Variants in LRRFIP2 observed in about 807,000 individuals in gnomAD.
LRRFIP2 encodes the protein leucine-rich repeat flightless-interacting protein 2.
A neutral mutation model predicts 125.9 loss-of-function variants in LRRFIP2; 109 were observed. The observed-to-expected ratio is 0.87, with a 90% CI of 0.74 to 1.01. LRRFIP2 has a LOEUF of 1.01. Ranked by LOEUF, LRRFIP2 falls within the 50% of genes least tolerant of loss-of-function variation. The probability of loss-of-function intolerance (pLI) is 0.00; values close to 1 mark genes in which losing one functional copy is unlikely to be tolerated. For missense variants in LRRFIP2, 850 were observed against 862.3 expected, an observed-to-expected ratio of 0.99 and a Z score of 0.18; for synonymous variants, 291 against 293.1, an observed-to-expected ratio of 0.99 and a Z score of 0.07.
At chr3:37,112,348 A>G (rs919982749) in intron 8 of LRRFIP2, among the ~76,000 whole-genome samples, 1 of 151,860 alleles carries the variant, frequency 6.6e-6, no homozygotes, top group Non-Finnish European at 1.5e-5. Context: ...AAAAGAAAAA[A>G]AAAAAGAAAA....
At position 37,060,394 on chromosome 3, in the gene LRRFIP2, C is replaced by T. The variant is rs561902223; in HGVS notation, c.1750-1484G>A. 1.2e-3 allele frequency among the ~76,000 whole-genome samples: 181 copies of T among 152,256 alleles called. No individual in the cohort carries two copies. In the Middle Eastern group the frequency reaches 0.014, roughly 11 times the overall value. On this transcript the variant is annotated intron_variant, in intron 24 of 27. Transcript: ENST00000336686. This position sits in a 1 kb window ranked among gnomAD's most constrained non-coding sequence, Gnocchi z 4.1. ...CATGATCTCAGCTCACTGCAACCTCCGCCTCCCGGGTTCAAGCGATTTTCC... is the reference window on the plus strand; with the variant it reads ...CATGATCTCAGCTCACTGCAACCTCTGCCTCCCGGGTTCAAGCGATTTTCC...
chr3:37,090,622 CAT>C (rs2093375373), intron 18 of LRRFIP2, among the ~76,000 whole-genome samples: 1 of 152,124 alleles, frequency 6.6e-6, no homozygotes, highest in South Asian at 2.1e-4. Flanking sequence ...TTCAGAATGA[CAT>C]GTGAGGAAAA....
At chr3:37,147,437 G>A (rs2095885533) in intron 2 of LRRFIP2, among the ~76,000 whole-genome samples, 1 of 152,154 alleles carries the variant, frequency 6.6e-6, no homozygotes, top group Admixed American at 6.5e-5. Flanking sequence ...CAAAGACATG[G>A]AATCAACCCA....
chr3:37,063,266 A>G (rs180864977), intron 24 of LRRFIP2, among the ~76,000 whole-genome samples: 12 of 152,322 alleles, frequency 7.9e-5, no homozygotes, highest in Admixed American at 4.6e-4. Flanking sequence ...CTGTTCCTTT[A>G]TTAGGAGGAT....
At chr3:37,070,510 T>C (rs1284340151) in intron 21 of LRRFIP2, among the ~76,000 whole-genome samples, 2 of 151,408 alleles carry the variant, frequency 1.3e-5, no homozygotes, top group African/African-American at 2.4e-5. Context: ...CCGAGGTGGG[T>C]GGATCACTTG....
At chr3:37,155,937 C>A (rs1315187953) in intron 1 of LRRFIP2, among the ~76,000 whole-genome samples, 1 of 152,130 alleles carries the variant, frequency 6.6e-6, no homozygotes, top group Non-Finnish European at 1.5e-5. Flanking sequence ...TGCAATAGTG[C>A]GACCTTGGCT....
chr3:37,090,420 G>A (rs1221507020), intron 18 of LRRFIP2, among the ~76,000 whole-genome samples: 1 of 152,056 alleles, frequency 6.6e-6, no homozygotes, highest in Non-Finnish European at 1.5e-5. Context: ...AGTAGAGACA[G>A]GGTTTCACCA....
At chr3:37,121,607 A>G (rs766655067) in intron 5 of LRRFIP2, 28 bp downstream of exon 5, 2 of 1,613,800 alleles carry the variant, frequency 1.2e-6, no homozygotes, top group African/African-American at 2.7e-5. Context: ...GAAAAGTATT[A>G]GAGGCAAGTG....
At chr3:37,151,271 A>C (rs1034337149) in intron 1 of LRRFIP2, among the ~76,000 whole-genome samples, 3 of 152,096 alleles carry the variant, frequency 2.0e-5, no homozygotes, top group Admixed American at 2.0e-4. Flanking sequence ...AGGGAGGAGA[A>C]TCGCTTGAAT....
At position 37,155,990 on chromosome 3, in the gene LRRFIP2, T is replaced by C. The variant is rs565960201; in HGVS notation, c.-55-6952A>G. ...CCCAGGCTCAGGCGATTCTCCTGCCTCAGCCTCCCAAGTACCTGGTACAAC... is the reference window on the plus strand; with the variant it reads ...CCCAGGCTCAGGCGATTCTCCTGCCCCAGCCTCCCAAGTACCTGGTACAAC... On this transcript the variant is annotated intron_variant, in intron 1 of 27. Coordinates refer to ENST00000336686, the MANE Select transcript of LRRFIP2 (RefSeq NM_006309.4). 4.6e-5 allele frequency among the ~76,000 whole-genome samples: 7 copies of C among 152,276 alleles called. No homozygotes were observed. In the South Asian group the frequency reaches 1.4e-3, roughly 32 times the overall value.
At chr3:37,133,127 A>C (rs563000675) in intron 2 of LRRFIP2, among the ~76,000 whole-genome samples, 10 of 152,332 alleles carry the variant, frequency 6.6e-5, no homozygotes, top group Admixed American at 2.0e-4. Context: ...CCAGAGGCTG[A>C]GGCATGAGAA....
intron 2 of LRRFIP2, among the ~76,000 whole-genome samples, chr3:37,139,180 T>C (rs1421650115): frequency 6.6e-6 from 1 of 152,180 alleles, no homozygotes. Flanking sequence ...TTCTGAAATT[T>C]TCCATTTAAT....
chr3:37,071,306 C>T (rs377390575), intron 21 of LRRFIP2, among the ~76,000 whole-genome samples: 5 of 152,342 alleles, frequency 3.3e-5, no homozygotes, highest in African/African-American at 1.2e-4. Context: ...CAGCCTCCAT[C>T]GTGTGGGCTC....
rs1381562787 is a variant in LRRFIP2 at position 37,075,040 on chromosome 3, CTT to C, written c.1353_1354del (p.Asp453Ter). ...TGTACATACCTCAATAAGCTCATCT[CTT>C]TGCCGCAGGCCTTCTTTAAGTTCTT... On this transcript the variant is annotated frameshift_variant, in exon 20 of 28. Transcript: ENST00000336686. LOFTEE classifies it high-confidence loss of function. 6.2e-7 allele frequency: 1 copy of C among 1,612,606 alleles called. No homozygotes were observed. Among genetic ancestry groups the C allele is most frequent in the Admixed American group, 1.7e-5 (1 of 60,004 alleles).
Position 37,108,679 on chromosome 3 carries a change from T to C in LRRFIP2, c.615A>G (p.Ser205=). The change falls in exon 12 of 28, where the codon TCA becomes TCG. Residue 205 remains serine (S), a synonymous_variant. Transcript: ENST00000336686. ...GGTTATATAATCCACCATTGTACAA[T>C]GATGCCTAAGGAACAAAGGAAATAT... ...SGLLRSASLA[S]LYNGGLYNPY... The C allele has an allele frequency of 1.9e-6, 3 of 1,608,674 alleles. No homozygotes were observed. Among genetic ancestry groups the C allele is most frequent in the South Asian group, 2.2e-5 (2 of 90,850 alleles).
chr3:37,079,535 G>C (rs1188048114), intron 19 of LRRFIP2, among the ~76,000 whole-genome samples: 2 of 152,042 alleles, frequency 1.3e-5, no homozygotes, highest in African/African-American at 4.8e-5. Context: ...TTGAGGCCAG[G>C]AGTTACCAGC....
At position 37,115,099 on chromosome 3, in the gene LRRFIP2, G is replaced by A; in HGVS notation, c.331-4C>T. ...ATCTATCCTTGAACATATCATACTGGGTTTCAGCAAAACATGAAAGTTGGT... is the reference window on the plus strand; with the variant it reads ...ATCTATCCTTGAACATATCATACTGAGTTTCAGCAAAACATGAAAGTTGGT... On this transcript the variant is annotated splice_polypyrimidine_tract_variant and splice_region_variant and intron_variant, in intron 6 of 27. Coordinates refer to ENST00000336686, the MANE Select transcript of LRRFIP2 (RefSeq NM_006309.4). 6.3e-7 allele frequency: 1 copy of A among 1,582,160 alleles called. No homozygotes were observed. Among genetic ancestry groups the A allele is most frequent in the Non-Finnish European group, 8.6e-7 (1 of 1,158,342 alleles).
intron 22 of LRRFIP2, 51 bp from the exon 23 acceptor site, chr3:37,065,993 A>C (rs945000689): frequency 6.2e-7 from 1 of 1,610,502 alleles, no homozygotes; most frequent in Non-Finnish European, 8.5e-7. Flanking sequence ...GGAAGCTGTA[A>C]GCTCTGTGAG....
chr3:37,116,860 G>A (rs2094812813), intron 6 of LRRFIP2, among the ~76,000 whole-genome samples: 1 of 152,024 alleles, frequency 6.6e-6, no homozygotes, highest in African/African-American at 2.4e-5. Context: ...AAATGTTATT[G>A]TAATAAATAC....
Sources: allele counts gnomAD v4.1 joint callset (sites outside exome capture counted in the v4.1 genomes callset), GRCh38; gene constraint gnomAD v4.1.1; non-coding constraint Gnocchi (gnomAD v3.1); transcripts MANE v1.5; gene names NCBI Gene and HGNC (gene_info 2026-07-23, HGNC 2026-07-21).